Variants in USP12 observed in about 807,000 individuals in gnomAD.
USP12 encodes ubiquitin carboxyl-terminal hydrolase 12.
USP12 carries 19 observed loss-of-function variants against 45.5 expected under a neutral mutation model. That is an observed-to-expected ratio of 0.42 (90% CI 0.29 to 0.61). The LOEUF is 0.61. Ranked by LOEUF, USP12 falls within the 20% of genes least tolerant of loss-of-function variation. USP12 has a pLI of 0.22. For synonymous variants in USP12, 149 were observed against 148.8 expected, an observed-to-expected ratio of 1.00 and a Z score of -0.01; for missense variants, 242 against 447.7, an observed-to-expected ratio of 0.54 and a Z score of 4.15.
At chr13:27,108,562 G>A (rs1333654298) in intron 2 of USP12, among the ~76,000 whole-genome samples, 1 of 149,642 alleles carries the variant, frequency 6.7e-6, no homozygotes, top group African/African-American at 2.4e-5. Context: ...CAATGTGCAA[G>A]ATTAGCCTGG....
chr13:27,082,213 A>G (rs907439428), intron 6 of USP12, among the ~76,000 whole-genome samples: 2 of 152,204 alleles, frequency 1.3e-5, no homozygotes, highest in East Asian at 3.8e-4. Context: ...TGTAGCCACC[A>G]TCAGCAACTA....
chr13:27,135,781 A>C (rs1565999740), intron 1 of USP12, among the ~76,000 whole-genome samples: 1 of 152,216 alleles, frequency 6.6e-6, no homozygotes, highest in African/African-American at 2.4e-5. Context: ...GCTATTATAC[A>C]TATGGGTATA....
chr13:27,135,409 G>A lies in USP12; in HGVS notation c.49-18813C>T, dbSNP rs184670607. On this transcript the variant is annotated intron_variant, in intron 1 of 8. Transcript: ENST00000282344. ...TCCCTAAACATTTATATACTCAAAC[G>A]TTTAAGTATTGGGTCTATGGAGGCC... is the stretch of plus-strand genomic sequence containing the variant. 3.2e-3 allele frequency among the ~76,000 whole-genome samples: 486 copies of A among 152,076 alleles called. 2 individuals carry two copies. The highest frequency in any genetic ancestry group is 0.011 in the African/African-American group (458 of 41,476).
intron 2 of USP12, among the ~76,000 whole-genome samples, chr13:27,109,912 C>CAAAAAAAAAAAAAAAAA (rs58500654): frequency 1.8e-5 from 2 of 108,370 alleles, no homozygotes; most frequent in African/African-American, 7.3e-5. Context: ...ACTCTGTCTC[C>CAAAAAAAAAAAAAAAAA]AAAAAAAAAA....
chr13:27,141,072 G>A (rs1240527632), intron 1 of USP12, among the ~76,000 whole-genome samples: 3 of 144,122 alleles, frequency 2.1e-5, no homozygotes, highest in African/African-American at 5.2e-5. Flanking sequence ...CTGGAGCGCA[G>A]TGGCACAACC....
rs1033621530 is a variant in USP12, at chr13:27,066,872, C to T, written c.*2411G>A. ...GGGTCACTTTTCTTACTTACTATAC[C>T]TGTATTTTTCCCCCAACCCTGACCC... On this transcript the variant is annotated 3_prime_UTR_variant, in exon 9 of 9. Coordinates refer to ENST00000282344, the MANE Select transcript of USP12 (RefSeq NM_182488.4). The T allele has an allele frequency of 3.3e-5, 5 of 152,124 alleles. No homozygotes were observed. The highest frequency in any genetic ancestry group is 1.2e-4 in the African/African-American group (5 of 41,432). The allele number at this position is 152,124 out of a possible 1,614,324, so 9.4% of individuals were successfully genotyped here. A position where few individuals can be genotyped will look rare whatever the true frequency, so the allele number is the denominator to read the frequency against.
At chr13:27,134,245 A>T (rs1324415369) in intron 1 of USP12, among the ~76,000 whole-genome samples, 1 of 152,378 alleles carries the variant, frequency 6.6e-6, no homozygotes, top group African/African-American at 2.4e-5. Context: ...CTAACAACTT[A>T]TAGGACAGAA....
At chr13:27,084,230 G>A (rs1212270897) in intron 6 of USP12, among the ~76,000 whole-genome samples, 2 of 148,984 alleles carry the variant, frequency 1.3e-5, no homozygotes, top group Non-Finnish European at 3.0e-5. Flanking sequence ...ATTCCTGTCT[G>A]GGTGTGGTGG....
chr13:27,081,997 C>T (rs56261639), intron 6 of USP12, among the ~76,000 whole-genome samples: 13,155 of 152,164 alleles, frequency 0.086, 653 homozygotes, highest in Middle Eastern at 0.13. Flanking sequence ...GTAGATTCAG[C>T]GTAATTCTTA....
chr13:27,157,388 T>C (rs1474716057), intron 1 of USP12, among the ~76,000 whole-genome samples: 1 of 152,198 alleles, frequency 6.6e-6, no homozygotes, highest in Non-Finnish European at 1.5e-5. Context: ...GTCATTACTT[T>C]GGGAAAAAGT....
intron 1 of USP12, chr13:27,170,328 T>C (rs1179485729): frequency 2.0e-5 from 8 of 398,306 alleles, no homozygotes; most frequent in Non-Finnish European, 3.5e-5. Context: ...GATTCACCAC[T>C]CCTTAAAGAA....
intron 6 of USP12, among the ~76,000 whole-genome samples, chr13:27,075,760 T>C (rs1873450207): frequency 6.6e-6 from 1 of 152,036 alleles, no homozygotes; most frequent in South Asian, 2.1e-4. Context: ...CCAGGCGCGG[T>C]GGCTCACGCC....
intron 6 of USP12, among the ~76,000 whole-genome samples, chr13:27,089,261 T>G (rs1874205337): frequency 6.6e-6 from 1 of 152,222 alleles, no homozygotes; most frequent in South Asian, 2.1e-4. Flanking sequence ...TTTGGATGGA[T>G]GTGCACACAT....
chr13:27,121,027 T>C (rs1387263084), intron 1 of USP12, among the ~76,000 whole-genome samples: 1 of 152,090 alleles, frequency 6.6e-6, no homozygotes. Flanking sequence ...TGGAACGGTA[T>C]GCAGGAAACA....
intron 1 of USP12, among the ~76,000 whole-genome samples, chr13:27,140,127 C>T (rs1456650884): frequency 6.6e-6 from 1 of 151,032 alleles, no homozygotes; most frequent in Non-Finnish European, 1.5e-5. Flanking sequence ...AATTCTAATC[C>T]CCAAAATAGT....
chr13:27,081,451 T>C (rs961786486), intron 6 of USP12, among the ~76,000 whole-genome samples: 1 of 152,220 alleles, frequency 6.6e-6, no homozygotes, highest in African/African-American at 2.4e-5. Flanking sequence ...CCTCTTCTAA[T>C]TCTTGTTCTC....
At chr13:27,138,920 C>T (rs2137818193) in intron 1 of USP12, among the ~76,000 whole-genome samples, 1 of 152,306 alleles carries the variant, frequency 6.6e-6, no homozygotes, top group East Asian at 1.9e-4. Flanking sequence ...GTTGTCATGG[C>T]ATAATTAATA....
At chr13:27,093,149 C>A (rs1392676666) in intron 4 of USP12, among the ~76,000 whole-genome samples, 5 of 151,510 alleles carry the variant, frequency 3.3e-5, no homozygotes, top group Admixed American at 2.6e-4. Flanking sequence ...TGAGCCACTG[C>A]GCTCCAGCCT....
intron 1 of USP12, among the ~76,000 whole-genome samples, chr13:27,161,154 G>A (rs1245705184): frequency 6.6e-6 from 1 of 152,170 alleles, no homozygotes; most frequent in African/African-American, 2.4e-5. Context: ...TCCTGCATAT[G>A]AGTCTCTTCA....
Sources: allele counts gnomAD v4.1 joint callset (sites outside exome capture counted in the v4.1 genomes callset), GRCh38; gene constraint gnomAD v4.1.1; transcripts MANE v1.5; gene names NCBI Gene and HGNC (gene_info 2026-07-23, HGNC 2026-07-21).